PELI2: variants seen among roughly 807,000 people sequenced by gnomAD.
The protein encoded by PELI2 is pellino E3 ubiquitin protein ligase family member 2, also known as E3 ubiquitin-protein ligase pellino homolog 2.
A neutral mutation model predicts 42.3 loss-of-function variants in PELI2; 23 were observed. That is an observed-to-expected ratio of 0.54 (90% CI 0.39 to 0.77). PELI2 has a LOEUF of 0.77. Ranked by LOEUF, PELI2 falls within the 30% of genes least tolerant of loss-of-function variation. The pLI, the probability that PELI2 is intolerant of heterozygous loss-of-function variation, is 0.00. For synonymous variants in PELI2, 245 were observed against 212.2 expected (o/e 1.15, Z -1.34); for missense variants, 463 against 553.2 (o/e 0.84, Z 1.64).
At chr14:56,123,157 T>C (rs967693473) in intron 1 of PELI2, among the ~76,000 whole-genome samples, 1 of 151,968 alleles carries the variant, frequency 6.6e-6, no homozygotes, top group Non-Finnish European at 1.5e-5. Flanking sequence ...AGGGGTATAG[T>C]AGCTTGTAGA....
chr14:56,267,119 T>C (rs553345846), intron 2 of PELI2, among the ~76,000 whole-genome samples: 17 of 152,232 alleles, frequency 1.1e-4, no homozygotes, highest in African/African-American at 3.8e-4. Flanking sequence ...TGGTAACATT[T>C]AGTAACTTGT....
chr14:56,165,681 G>T (rs1416918620), intron 1 of PELI2, among the ~76,000 whole-genome samples: 1 of 152,150 alleles, frequency 6.6e-6, no homozygotes, highest in Non-Finnish European at 1.5e-5. Context: ...TGAAAGTGGG[G>T]TGTGAAGTCT....
chr14:56,241,561 G>A (rs985100906), intron 2 of PELI2, among the ~76,000 whole-genome samples: 2 of 152,148 alleles, frequency 1.3e-5, no homozygotes, highest in Non-Finnish European at 2.9e-5. Flanking sequence ...GAGTTGGGGG[G>A]AAGCAGACAA....
chr14:56,184,436 C>T lies in PELI2; in HGVS notation c.207+5972C>T, dbSNP rs548985373. On this transcript the variant is annotated intron_variant, in intron 2 of 5. Transcript: ENST00000267460. ...TTGCCTGGCAAATTAAAAGAAAATG[C>T]ACTTATTTGGTGACAAATCTAAGGA... Among the ~76,000 whole-genome samples the T allele has an allele frequency of 2.6e-5, 4 of 152,068 alleles. 1 individual carries two copies. Among genetic ancestry groups the T allele is most frequent in the African/African-American group, 7.2e-5 (3 of 41,564 alleles).
At chr14:56,259,615 A>G (rs577570047) in intron 2 of PELI2, among the ~76,000 whole-genome samples, 2 of 152,276 alleles carry the variant, frequency 1.3e-5, no homozygotes, top group East Asian at 3.9e-4. Context: ...TCTCTCAGGA[A>G]ACTAGGAATA....
intron 2 of PELI2, among the ~76,000 whole-genome samples, chr14:56,240,969 G>A (rs1384109588): frequency 1.3e-5 from 2 of 152,062 alleles, no homozygotes; most frequent in African/African-American, 4.8e-5. Context: ...TTAAAATAAC[G>A]AGAAAGCAAG....
chr14:56,141,781 A>G (rs974930468), intron 1 of PELI2, among the ~76,000 whole-genome samples: 16 of 152,322 alleles, frequency 1.1e-4, no homozygotes, highest in African/African-American at 3.8e-4. Context: ...CACCTGGTCC[A>G]GCCCTTGACA....
At chr14:56,224,180 A>G (rs547871751) in intron 2 of PELI2, among the ~76,000 whole-genome samples, 2 of 152,368 alleles carry the variant, frequency 1.3e-5, no homozygotes, top group East Asian at 1.9e-4. Flanking sequence ...ATGGCTTTCA[A>G]TATTCATTTG....
chr14:56,263,063 T>C (rs1412251109), intron 2 of PELI2, among the ~76,000 whole-genome samples: 1 of 152,096 alleles, frequency 6.6e-6, no homozygotes, highest in Non-Finnish European at 1.5e-5. Flanking sequence ...TTCAAGCAAT[T>C]CTCCTGCCTC....
intron 2 of PELI2, among the ~76,000 whole-genome samples, chr14:56,234,647 T>G (rs1887717378): frequency 1.3e-5 from 2 of 152,180 alleles, no homozygotes; most frequent in Non-Finnish European, 2.9e-5. Flanking sequence ...GTATACCTAA[T>G]GTAAATGATG....
chr14:56,264,584 A>G (rs1447796903), intron 2 of PELI2, among the ~76,000 whole-genome samples: 1 of 152,234 alleles, frequency 6.6e-6, no homozygotes, highest in African/African-American at 2.4e-5. Context: ...GAGCCAATTT[A>G]AAAAAGCATA....
At chr14:56,196,197 C>G (rs1201751437) in intron 2 of PELI2, among the ~76,000 whole-genome samples, 1 of 152,072 alleles carries the variant, frequency 6.6e-6, no homozygotes, top group African/African-American at 2.4e-5. Context: ...GGAGTAACTC[C>G]CCACCCCTCC....
intron 2 of PELI2, among the ~76,000 whole-genome samples, chr14:56,241,041 C>T (rs866475170): frequency 2.6e-5 from 4 of 152,082 alleles, no homozygotes; most frequent in Non-Finnish European, 2.9e-5. Flanking sequence ...TTGACAGTCT[C>T]CCCTTGCTTG....
chr14:56,245,885 T>C (rs550640515), intron 2 of PELI2, among the ~76,000 whole-genome samples: 1 of 152,352 alleles, frequency 6.6e-6, no homozygotes, highest in South Asian at 2.1e-4. Flanking sequence ...TGGGAGGATG[T>C]ATTAATACAT....
intron 2 of PELI2, among the ~76,000 whole-genome samples, chr14:56,274,460 G>GA (rs1451165229): frequency 1.3e-5 from 2 of 152,212 alleles, no homozygotes; most frequent in Non-Finnish European, 2.9e-5. Flanking sequence ...AAATTTGGAT[G>GA]AAAATTCTTT....
chr14:56,132,199 T>A (rs1883513173), intron 1 of PELI2, among the ~76,000 whole-genome samples: 1 of 152,168 alleles, frequency 6.6e-6, no homozygotes. Context: ...GTGACTCGTG[T>A]GACTCTGCAC....
intron 2 of PELI2, among the ~76,000 whole-genome samples, chr14:56,221,325 G>C (rs1447505045): frequency 6.6e-6 from 1 of 152,154 alleles, no homozygotes; most frequent in Non-Finnish European, 1.5e-5. Flanking sequence ...GTGGGTTCGA[G>C]GCATCAGCTT....
chr14:56,293,513 A>AAATT (rs10666834), intron 5 of PELI2, among the ~76,000 whole-genome samples: 140,447 of 151,968 alleles, frequency 0.92, 65,264 homozygotes, highest in African/African-American at 0.98. Flanking sequence ...TGTGAGAACT[A>AAATT]AATTCAGTAG....
intron 5 of PELI2, among the ~76,000 whole-genome samples, chr14:56,296,186 G>T (rs1889994428): frequency 6.6e-6 from 1 of 152,218 alleles, no homozygotes; most frequent in African/African-American, 2.4e-5. Context: ...AGATCTTCTG[G>T]ATTGGCTGTC....
Sources: gnomAD v4.1 joint callset for allele counts (sites outside exome capture counted in the v4.1 genomes callset) on GRCh38, gnomAD v4.1.1 for gene constraint, MANE v1.5 for transcripts, NCBI Gene and HGNC (gene_info 2026-07-23, HGNC 2026-07-21) for gene names.